Variants in CNOT1 observed in about 807,000 individuals in gnomAD.
CNOT1 encodes CCR4-NOT transcription complex subunit 1.
A neutral mutation model predicts 273.8 loss-of-function variants in CNOT1; 15 were observed. The observed-to-expected ratio is 0.05, with a 90% confidence interval of 0.04 to 0.08. The LOEUF is 0.08. Ranked by LOEUF, CNOT1 falls within the 10% of genes least tolerant of loss-of-function variation. The pLI is 1.00. For synonymous variants in CNOT1, 1,022 were observed against 1,005.5 expected (o/e 1.02, Z -0.31); for missense variants, 1,644 against 2,912.2 (o/e 0.56, Z 10.02).
Position 58,615,388 on chromosome 16 carries a change from C to A in CNOT1, c.-175+14340G>T, listed in dbSNP as rs1964231126. Among the ~76,000 whole-genome samples, 2 of 125,298 alleles carry A rather than the reference C, an allele frequency of 1.6e-5. 1 individual carries two copies. Among genetic ancestry groups the A allele is most frequent in the Non-Finnish European group, 3.8e-5 (2 of 52,690 alleles). 82.2% of individuals were successfully genotyped at this position (125,298 alleles called of 152,430 possible). Reference sequence around the variant, plus strand: ...GCTGTAAGACTTAGTTCCTAACCCACAAAGTATACAGCAAATATGGTATGT... The same window carrying A: ...GCTGTAAGACTTAGTTCCTAACCCAAAAAGTATACAGCAAATATGGTATGT... On this transcript the variant is annotated intron_variant, in intron 1 of 48. Transcript: ENST00000317147.
intron 2 of CNOT1, among the ~76,000 whole-genome samples, chr16:58,598,784 G>A (rs915309870): frequency 1.3e-5 from 2 of 152,084 alleles, no homozygotes; most frequent in Non-Finnish European, 2.9e-5. Context: ...AGATTGGGCT[G>A]GGCGTGGTGG....
intron 2 of CNOT1, 126 bp from the exon 3 acceptor site, chr16:58,589,032 T>C (rs754395206): frequency 2.0e-5 from 24 of 1,230,074 alleles, no homozygotes; most frequent in Non-Finnish European, 2.7e-5. Flanking sequence ...CATTTTTGAA[T>C]TAAAGTTAAA....
chr16:58,599,935 C>T (rs1418859021), intron 1 of CNOT1, among the ~76,000 whole-genome samples: 5 of 151,408 alleles, frequency 3.3e-5, no homozygotes, highest in Non-Finnish European at 5.9e-5. Flanking sequence ...TGGTGGTGCA[C>T]GCCTGTAATC....
chr16:58,525,453 A>G, intron 45 of CNOT1, 94 bp from the exon 46 acceptor site: 1 of 1,042,222 alleles, frequency 9.6e-7, no homozygotes, highest in East Asian at 2.6e-5. Flanking sequence ...ACCTTCATGG[A>G]AAGGCCAAAC....
At chr16:58,534,003 T>C (rs1189084105) in intron 40 of CNOT1, 144 bp downstream of exon 40, 1 of 1,088,004 alleles carries the variant, frequency 9.2e-7, no homozygotes, top group Admixed American at 4.8e-5. Context: ...ATGCCTGTAT[T>C]CCCAGCTACT....
At chr16:58,525,425 T>C in intron 45 of CNOT1, 66 bp from the exon 46 acceptor site, 1 of 1,389,558 alleles carries the variant, frequency 7.2e-7, no homozygotes. Context: ...AGCACCAGTA[T>C]TTCTAAACCC....
chr16:58,590,850 G>T (rs1440292973), intron 2 of CNOT1, among the ~76,000 whole-genome samples: 1 of 152,164 alleles, frequency 6.6e-6, no homozygotes. Context: ...ACAATAATCT[G>T]GTTCAACCTA....
intron 27 of CNOT1, 142 bp from the exon 28 acceptor site, chr16:58,546,891 A>G (rs1256291029): frequency 9.0e-7 from 1 of 1,110,350 alleles, no homozygotes. Flanking sequence ...AATAACCAAA[A>G]ACAGTTAAAC....
chr16:58,543,289 C>T (rs1440591606), intron 31 of CNOT1: 1 of 1,546,796 alleles, frequency 6.5e-7, no homozygotes. Context: ...AGCTTTCATC[C>T]TTCCTGGTTA....
intron 31 of CNOT1, 152 bp from the exon 32 acceptor site, chr16:58,542,720 C>A: frequency 8.3e-7 from 1 of 1,203,960 alleles, no homozygotes; most frequent in Non-Finnish European, 1.1e-6. Context: ...GATCTTGAAA[C>A]AGTCTTAACA....
At position 58,542,399 on chromosome 16, in the gene CNOT1, ATCTTAAAAGGCAAAT is replaced by A; in HGVS notation, c.4575+14_4575+28del. The A allele has an allele frequency of 6.2e-7, 1 of 1,613,004 alleles. No individual in the cohort carries two copies. Among genetic ancestry groups the A allele is most frequent in the Non-Finnish European group, 8.5e-7 (1 of 1,179,744 alleles). ...GCACTTCCCTAAATTAAAAAAGAAA[ATCTTAAAAGGCAAAT>A]TCTAAACACTTACAGTTGCTAATCT... On this transcript the variant is annotated intron_variant, in intron 32 of 48. Transcript: ENST00000317147.
chr16:58,579,090 G>C (rs2151971119), intron 12 of CNOT1, 151 bp from the exon 13 acceptor site: 1 of 1,414,942 alleles, frequency 7.1e-7, no homozygotes, highest in South Asian at 1.5e-5. Flanking sequence ...CTCTCTTTAA[G>C]AATTATTTTT....
At chr16:58,623,062 G>T (rs139296580) in intron 1 of CNOT1, among the ~76,000 whole-genome samples, 2 of 151,812 alleles carry the variant, frequency 1.3e-5, no homozygotes, top group Non-Finnish European at 2.9e-5. Flanking sequence ...GCCAAGCGTG[G>T]TGGCAGGCGC....
intron 1 of CNOT1, among the ~76,000 whole-genome samples, chr16:58,615,009 G>T (rs1448855898): frequency 1.0e-5 from 1 of 99,042 alleles, no homozygotes; most frequent in East Asian, 2.1e-4. Context: ...CACTGGGCCT[G>T]TATCCTTTGC....
intron 16 of CNOT1, among the ~76,000 whole-genome samples, chr16:58,570,409 G>A (rs976882245): frequency 3.9e-5 from 6 of 152,166 alleles, no homozygotes; most frequent in Non-Finnish European, 7.4e-5. Context: ...AAGCTAAAAC[G>A]GGAGATCAGT....
At chr16:58,525,723 C>G (rs1223197234) in intron 45 of CNOT1, among the ~76,000 whole-genome samples, 1 of 152,196 alleles carries the variant, frequency 6.6e-6, no homozygotes, top group Non-Finnish European at 1.5e-5. Context: ...TGTAAATCAG[C>G]ATCCAGGTAT....
intron 21 of CNOT1, among the ~76,000 whole-genome samples, chr16:58,554,495 T>C (rs1297724259): frequency 6.6e-6 from 1 of 152,208 alleles, no homozygotes; most frequent in African/African-American, 2.4e-5. Context: ...TTGATTGTGG[T>C]GGTAGTTACA....
chr16:58,525,157 A>T, intron 46 of CNOT1, 22 bp downstream of exon 46: 1 of 1,610,864 alleles, frequency 6.2e-7, no homozygotes, highest in Non-Finnish European at 8.5e-7. Context: ...CTCTACTCTG[A>T]AAACTGGCAG....
chr16:58,526,009 C>T lies in CNOT1; in HGVS notation c.6583G>A (p.Asp2195Asn), dbSNP rs774880579. 2 of 1,614,054 alleles carry T rather than the reference C, an allele frequency of 1.2e-6. No homozygotes were observed. The highest frequency in any genetic ancestry group is 2.2e-5 in the East Asian group (1 of 44,868). ...TTAACCTGTAGGTTGCTGCGCAGATCAGACAGGAAAGTGACTGGTGATCGA... is the reference window on the plus strand; with the variant it reads ...TTAACCTGTAGGTTGCTGCGCAGATTAGACAGGAAAGTGACTGGTGATCGA... ...KTRSPVTFLS[D>N]LRSNLQVSNE... The change falls in exon 45 of 49, where the codon GAT (aspartate) becomes AAT (asparagine). Residue 2195 changes from aspartate (D) to asparagine (N), a missense_variant. Coordinates refer to ENST00000317147, the MANE Select transcript of CNOT1 (RefSeq NM_016284.5).
Sources: allele counts gnomAD v4.1 joint callset (sites outside exome capture counted in the v4.1 genomes callset), GRCh38; gene constraint gnomAD v4.1.1; transcripts MANE v1.5; gene names NCBI Gene and HGNC (gene_info 2026-07-23, HGNC 2026-07-21).